Variants in MTMR8 observed in about 807,000 individuals in gnomAD.
The protein encoded by MTMR8 is phosphatidylinositol-3,5-bisphosphate 3-phosphatase MTMR8.
In MTMR8, 65 loss-of-function variants were observed where a neutral mutation model predicts 39.3. The ratio of observed to expected loss-of-function variants is 1.65; its 90% CI spans 1.35 to 2.03. The LOEUF (loss-of-function observed/expected upper bound fraction) is 2.03. Among genes scored for constraint, MTMR8 ranks in the 30% most tolerant of loss-of-function variants. The probability of loss-of-function intolerance (pLI) is 0.00; values close to 1 mark genes in which losing one functional copy is unlikely to be tolerated. For missense variants in MTMR8, 777 were observed against 538.9 expected, an observed-to-expected ratio of 1.44 and a Z score of -4.37; for synonymous variants, 245 against 185.2, an observed-to-expected ratio of 1.32 and a Z score of -2.62.
In MTMR8 at chrX:64,337,335, G is replaced by A; in HGVS notation, c.1034C>T (p.Thr345Ile). ...LVHCSDGWDR[T>I]AQVCSVASIL... ...GCTAGCCACTGAGCAGACTTGTGCT[G>A]TGCGGTCCCATCCATCAGAACAATG... Residue 345 changes from threonine to isoleucine, a missense_variant, in exon 9 of 14, where the codon ACA becomes ATA. Physicochemically the swap from Thr to Ile is moderately conservative, Grantham distance 89 (BLOSUM62 -1). Coordinates refer to ENST00000374852, the MANE Select transcript of MTMR8 (RefSeq NM_017677.4). 2 of 1,209,586 alleles carry A rather than the reference G, an allele frequency of 1.7e-6. No homozygotes were observed. The highest frequency in any genetic ancestry group is 2.3e-4 in the Middle Eastern group (1 of 4,341).
At chrX:64,343,820 G>C in intron 7 of MTMR8, 100 bp from the exon 8 acceptor site, 2 of 564,591 alleles carry the variant, frequency 3.5e-6, no homozygotes, top group South Asian at 5.5e-5. Context: ...AGGAAGCTGA[G>C]GCAGAAAGGT....
intron 12 of MTMR8, among the ~76,000 whole-genome samples, chrX:64,314,599 C>G (rs1032053706): frequency 8.8e-6 from 1 of 113,052 alleles, no homozygotes; most frequent in Non-Finnish European, 1.9e-5. Context: ...AATGGCGGTA[C>G]AGCAGCGGTG....
intron 2 of MTMR8, 82 bp from the exon 3 acceptor site, chrX:64,356,420 G>T (rs773795345): frequency 3.4e-6 from 3 of 893,380 alleles, no homozygotes; most frequent in Non-Finnish European, 4.7e-6. Context: ...TCTCCGTAAT[G>T]GTAACAGCAT....
chrX:64,372,836 T>A (rs910305564), intron 1 of MTMR8, among the ~76,000 whole-genome samples: 1 of 111,955 alleles, frequency 8.9e-6, no homozygotes, highest in Non-Finnish European at 1.9e-5. Context: ...TTCTCTGGGA[T>A]AAATGGCCAA....
At position 64,337,361 on chromosome X, in the gene MTMR8, G is replaced by A. The variant is rs1399972938; in HGVS notation, c.1008C>T (p.Val336=). Residue 336 remains valine (V), a synonymous_variant, in exon 9 of 14, where the codon GTC becomes GTT. Transcript: ENST00000374852. ...AVKVEKASVL[V]HCSDGWDRTA... is the part of the protein sequence containing the mutation. ...TGCGGTCCCATCCATCAGAACAATGGACTAAGACACTGGCCTTTTCTACCT... is the reference window on the plus strand; with the variant it reads ...TGCGGTCCCATCCATCAGAACAATGAACTAAGACACTGGCCTTTTCTACCT... 1.7e-6 allele frequency: 2 copies of A among 1,209,791 alleles called. No individual in the cohort carries two copies. Among genetic ancestry groups the A allele is most frequent in the African/African-American group, 3.5e-5 (2 of 57,637 alleles).
At chrX:64,297,411 C>A (rs1218528240) in intron 12 of MTMR8, among the ~76,000 whole-genome samples, 1 of 101,315 alleles carries the variant, frequency 9.9e-6, no homozygotes, top group Admixed American at 1.1e-4. Context: ...GTCCTTCACC[C>A]ACTTTTTGAT....
intron 12 of MTMR8, chrX:64,306,271 G>A (rs779531624): frequency 5.7e-5 from 19 of 331,874 alleles, no homozygotes; most frequent in Non-Finnish European, 1.0e-4. Flanking sequence ...AGGAAATGTG[G>A]CACAGCATTG....
chrX:64,269,258 A>G (rs1931702537), intron 13 of MTMR8, among the ~76,000 whole-genome samples: 1 of 111,750 alleles, frequency 8.9e-6, no homozygotes, highest in Non-Finnish European at 1.9e-5. Context: ...TTATATCTAT[A>G]AAAGTCATCT....
chrX:64,303,052 C>A (rs973571268), intron 12 of MTMR8, among the ~76,000 whole-genome samples: 1 of 112,496 alleles, frequency 8.9e-6, no homozygotes, highest in Non-Finnish European at 1.9e-5. Context: ...TGCGTTAATG[C>A]CATCTCGTGA....
chrX:64,317,213 G>T (rs1392884590), intron 12 of MTMR8, among the ~76,000 whole-genome samples: 3 of 110,905 alleles, frequency 2.7e-5, no homozygotes, highest in Non-Finnish European at 3.8e-5. Flanking sequence ...TGTTCACTCA[G>T]CTTCTCGAAT....
chrX:64,319,528 T>C (rs187886103), intron 12 of MTMR8, among the ~76,000 whole-genome samples: 2 of 112,395 alleles, frequency 1.8e-5, no homozygotes, highest in East Asian at 5.6e-4. Context: ...AGGGTTTTTA[T>C]GGTTTTAGGT....
chrX:64,310,789 C>A (rs754087496), intron 12 of MTMR8, among the ~76,000 whole-genome samples: 1 of 110,950 alleles, frequency 9.0e-6, no homozygotes, highest in South Asian at 3.9e-4. Flanking sequence ...CTGAGAACGA[C>A]GGTTTCCAGC....
At chrX:64,395,079 G>T in intron 1 of MTMR8, among the ~76,000 whole-genome samples, 1 of 112,381 alleles carries the variant, frequency 8.9e-6, no homozygotes, top group Middle Eastern at 4.6e-3. Flanking sequence ...CAGAACAGGC[G>T]TGCACCAGGA....
At chrX:64,307,959 A>AT (rs1317425837) in intron 12 of MTMR8, among the ~76,000 whole-genome samples, 2 of 111,871 alleles carry the variant, frequency 1.8e-5, no homozygotes, top group Admixed American at 9.5e-5. Context: ...TGAATGATAT[A>AT]TTTTTTATTT....
At chrX:64,281,467 A>C (rs757902170) in intron 12 of MTMR8, among the ~76,000 whole-genome samples, 3 of 112,051 alleles carry the variant, frequency 2.7e-5, no homozygotes, top group Non-Finnish European at 5.6e-5. Context: ...TCCTTATTTA[A>C]TAAAAGGTGC....
intron 1 of MTMR8, among the ~76,000 whole-genome samples, chrX:64,392,790 A>G (rs1924723592): frequency 9.0e-6 from 1 of 111,690 alleles, no homozygotes; most frequent in South Asian, 3.7e-4. Context: ...TCACTTTTGT[A>G]CTTGACATAC....
intron 1 of MTMR8, among the ~76,000 whole-genome samples, chrX:64,367,842 A>G (rs1207706309): frequency 8.9e-6 from 1 of 111,745 alleles, no homozygotes; most frequent in Non-Finnish European, 1.9e-5. Context: ...AGATGACATG[A>G]TTGTATATCT....
rs1923292570 is a variant in MTMR8, at chrX:64,344,253, G to A, written c.866-533C>T. ...GTCCTCTTCCATAAAATATTCTGGG[G>A]CAAAAAAGAAAGGAGTAAGAGACCT... On this transcript the variant is annotated intron_variant, in intron 7 of 13. Transcript: ENST00000374852. Among the ~76,000 whole-genome samples, 5 of 111,591 alleles carry A rather than the reference G, an allele frequency of 4.5e-5. No individual in the cohort carries two copies. In the South Asian group the frequency reaches 1.9e-3, roughly 42 times the overall value.
At chrX:64,284,151 C>G (rs1374323234) in intron 12 of MTMR8, among the ~76,000 whole-genome samples, 1 of 112,055 alleles carries the variant, frequency 8.9e-6, no homozygotes, top group Non-Finnish European at 1.9e-5. Flanking sequence ...AGCTGAAAAC[C>G]ATGGCACAAG....
Sources: allele counts gnomAD v4.1 joint callset (sites outside exome capture counted in the v4.1 genomes callset), GRCh38; gene constraint gnomAD v4.1.1; transcripts MANE v1.5; gene names NCBI Gene and HGNC (gene_info 2026-07-23, HGNC 2026-07-21).